The following PNPLA3 variants were observed in gnomAD, a reference collection of about 807,000 sequenced individuals.
The protein encoded by PNPLA3 is 1-acylglycerol-3-phosphate O-acyltransferase PNPLA3.
PNPLA3 carries 42 observed loss-of-function variants against 43.1 expected under a neutral mutation model. That is an observed-to-expected ratio of 0.97 (90% CI 0.76 to 1.26). The LOEUF is 1.26. Ranked by LOEUF, PNPLA3 falls within the 50% of genes most tolerant of loss-of-function variation. The pLI, the probability that PNPLA3 is intolerant of heterozygous loss-of-function variation, is 0.00. For synonymous variants in PNPLA3, 272 were observed against 253.6 expected (o/e 1.07, Z -0.69); for missense variants, 647 against 621.4 (o/e 1.04, Z -0.44).
In PNPLA3 at chr22:43,946,570, A is replaced by T; in HGVS notation, c.*188A>T. Reference sequence around the variant, plus strand: ...TCGCCTGTGCAGCGGTCCAGCACTTAACTCTAATACATCAGCATGCGTTAA... The same window carrying T: ...TCGCCTGTGCAGCGGTCCAGCACTTTACTCTAATACATCAGCATGCGTTAA... On this transcript the variant is annotated 3_prime_UTR_variant, in exon 9 of 9. Transcript: ENST00000216180. 1 of 717,306 alleles carries T rather than the reference A, an allele frequency of 1.4e-6. No homozygotes were observed. The highest frequency in any genetic ancestry group is 2.5e-6 in the Non-Finnish European group (1 of 395,124). 44.4% of individuals were successfully genotyped at this position (717,306 alleles called of 1,614,324 possible).
Position 43,940,055 on chromosome 22 carries a change from A to G in PNPLA3, c.1042A>G (p.Ile348Val). Residue 348 changes from isoleucine to valine, a missense_variant, in exon 7 of 9, where the codon ATT becomes GTT. Physicochemically the swap from Ile to Val is conservative, Grantham distance 29. Transcript: ENST00000216180. ...GAGCAAGATTTGCAACTTGCTACCC[A>G]TTAGGATAATGTCTTATGTAATGCT... ...YMSKICNLLPIRIMSYVMLPC... is the reference protein window; with the variant it reads ...YMSKICNLLPVRIMSYVMLPC... 1 of 1,614,094 alleles carries G rather than the reference A, an allele frequency of 6.2e-7. No individual in the cohort carries two copies. Among genetic ancestry groups the G allele is most frequent in the South Asian group, 1.1e-5 (1 of 91,076 alleles).
chr22:43,933,530 G>A (rs138412730), intron 4 of PNPLA3, among the ~76,000 whole-genome samples: 1 of 152,156 alleles, frequency 6.6e-6, no homozygotes, highest in African/African-American at 2.4e-5. Flanking sequence ...GGGACCCACA[G>A]GCATGCAGCA....
intron 2 of PNPLA3, 67 bp downstream of exon 2, chr22:43,927,234 C>T (rs1056543962): frequency 1.4e-6 from 2 of 1,446,236 alleles, no homozygotes; most frequent in Non-Finnish European, 1.9e-6. Flanking sequence ...TGTGGTGGCT[C>T]ATGCCTGTCA....
rs117689973 is a variant in PNPLA3, at chr22:43,927,321, C to A, written c.420+154C>A. On this transcript the variant is annotated intron_variant, in intron 2 of 8. Transcript: ENST00000216180. ...CGAGACCAACATGATGAAACCCAGT[C>A]TCTACAAAAATTACAGAAAAATTAG... 6.1e-3 allele frequency among the ~76,000 whole-genome samples: 930 copies of A among 152,158 alleles called. 7 individuals carry two copies. The highest frequency in any genetic ancestry group is 8.6e-3 in the Non-Finnish European group (583 of 68,024).
At chr22:43,940,511 A>G (rs893851569) in intron 7 of PNPLA3, among the ~76,000 whole-genome samples, 8 of 152,216 alleles carry the variant, frequency 5.3e-5, no homozygotes, top group Non-Finnish European at 1.2e-4. Flanking sequence ...AGCTGTTTCC[A>G]TTTAAAATCA....
chr22:43,935,042 C>G (rs2049986207), intron 5 of PNPLA3, among the ~76,000 whole-genome samples: 1 of 152,172 alleles, frequency 6.6e-6, no homozygotes, highest in Non-Finnish European at 1.5e-5. Flanking sequence ...GTTTCTGCGC[C>G]TGGACCCCAA....
rs1232493903 is a variant in PNPLA3 at position 43,923,922 on chromosome 22, C to T, written c.11C>T (p.Ala4Val). MYD[A>V]ERGWSLSFAG... ...CCCGCCGCCGCCGCCATGTACGACG[C>T]AGAGCGCGGCTGGAGCTTGTCCTTC... The change falls in exon 1 of 9, where the codon GCA (alanine) becomes GTA (valine). Residue 4 changes from alanine (A) to valine (V), a missense_variant. Transcript: ENST00000216180. 4.5e-6 allele frequency: 7 copies of T among 1,566,698 alleles called. No individual in the cohort carries two copies. In the East Asian group the frequency reaches 7.3e-5, roughly 16 times the overall value.
At chr22:43,924,122 G>A in intron 1 of PNPLA3, 24 bp downstream of exon 1, 1 of 1,509,098 alleles carries the variant, frequency 6.6e-7, no homozygotes, top group Non-Finnish European at 8.8e-7. Context: ...CGCTGCCCGG[G>A]CTCCACGTGC....
chr22:43,941,976 G>T (rs1442474911), intron 7 of PNPLA3, among the ~76,000 whole-genome samples: 2 of 152,226 alleles, frequency 1.3e-5, no homozygotes, highest in African/African-American at 4.8e-5. Flanking sequence ...TCCTGTGGAT[G>T]TGGCCCTGGA....
chr22:43,925,456 G>A (rs546747711), intron 1 of PNPLA3, among the ~76,000 whole-genome samples: 17 of 152,136 alleles, frequency 1.1e-4, no homozygotes, highest in Non-Finnish European at 1.9e-4. Flanking sequence ...ACACCCAGAC[G>A]TCCCCAGGCA....
intron 8 of PNPLA3, among the ~76,000 whole-genome samples, chr22:43,945,032 T>C (rs1192213804): frequency 6.6e-6 from 1 of 151,908 alleles, no homozygotes; most frequent in Non-Finnish European, 1.5e-5. Context: ...GTCGGATGAG[T>C]CTCTTTGAGT....
chr22:43,928,678 C>T (rs55768287), intron 2 of PNPLA3, 146 bp from the exon 3 acceptor site: 30,669 of 602,510 alleles, frequency 0.051, 5,466 homozygotes, highest in Middle Eastern at 0.1. Flanking sequence ...GTTAGTTCCC[C>T]GTTCTTTTGA....
chr22:43,939,901 C>T (rs569212259), intron 6 of PNPLA3, 92 bp from the exon 7 acceptor site: 41 of 1,579,202 alleles, frequency 2.6e-5, no homozygotes, highest in African/African-American at 9.4e-5. Flanking sequence ...CCAGGACGGG[C>T]GTATTTTATG....
intron 6 of PNPLA3, chr22:43,939,445 C>T (rs2050016762): frequency 3.2e-6 from 3 of 952,346 alleles, no homozygotes; most frequent in Non-Finnish European, 3.8e-6. Context: ...AGTGGGGACC[C>T]TATGCTCCGT....
Position 43,947,012 on chromosome 22 carries a change from G to A in PNPLA3, c.*630G>A, listed in dbSNP as rs376197639. The A allele has an allele frequency of 8.0e-5, 21 of 262,702 alleles. No individual in the cohort carries two copies. The highest frequency in any genetic ancestry group is 4.4e-4 in the African/African-American group (19 of 43,302). The allele number at this position is 262,702 out of a possible 1,614,324, so 16.3% of individuals were successfully genotyped here. ...AAAATGTAAGGAAGCGTTGTTACCT[G>A]TTGAATTTTGTATTATGTGAATCAG... On this transcript the variant is annotated 3_prime_UTR_variant, in exon 9 of 9. Transcript: ENST00000216180.
intron 3 of PNPLA3, among the ~76,000 whole-genome samples, chr22:43,931,767 C>A (rs562615909): frequency 2.0e-4 from 30 of 152,358 alleles, no homozygotes; most frequent in African/African-American, 7.2e-4. Context: ...CCATGTGCCT[C>A]AGCCTTCCAA....
At chr22:43,932,634 T>C (rs2049968736) in intron 3 of PNPLA3, among the ~76,000 whole-genome samples, 2 of 152,232 alleles carry the variant, frequency 1.3e-5, no homozygotes, top group South Asian at 4.1e-4. Flanking sequence ...CCAGGCACTT[T>C]TGTGCAGTGC....
intron 5 of PNPLA3, 44 bp from the exon 6 acceptor site, chr22:43,937,007 C>G (rs777214311): frequency 6.5e-7 from 1 of 1,534,366 alleles, no homozygotes; most frequent in South Asian, 1.1e-5. Context: ...ACGACCACCA[C>G]TCCCACGTTC....
intron 6 of PNPLA3, 145 bp from the exon 7 acceptor site, chr22:43,939,848 C>G: frequency 1.8e-6 from 2 of 1,139,024 alleles, no homozygotes; most frequent in Admixed American, 2.2e-5. Flanking sequence ...GCTTGGCAAA[C>G]CCCACCTTGT....
Sources: allele counts gnomAD v4.1 joint callset (sites outside exome capture counted in the v4.1 genomes callset), GRCh38; gene constraint gnomAD v4.1.1; transcripts MANE v1.5; gene names NCBI Gene and HGNC (gene_info 2026-07-23, HGNC 2026-07-21).